Variants in CNTN5 observed in about 807,000 individuals in gnomAD.
CNTN5 encodes contactin 5.
A neutral mutation model predicts 129.1 loss-of-function variants in CNTN5; 77 were observed. The ratio of observed to expected loss-of-function variants is 0.60; its 90% CI spans 0.50 to 0.72. The LOEUF (loss-of-function observed/expected upper bound fraction) is 0.72. Among genes scored for constraint, CNTN5 ranks in the 30% least tolerant of loss-of-function variants. The pLI, the probability that CNTN5 is intolerant of heterozygous loss-of-function variation, is 0.00. For synonymous variants in CNTN5, 509 were observed against 465.6 expected (o/e 1.09, Z -1.20); for missense variants, 1,478 against 1,328.8 (o/e 1.11, Z -1.75).
chr11:99,837,319 A>T (rs1591284850), intron 4 of CNTN5, among the ~76,000 whole-genome samples: 1 of 152,168 alleles, frequency 6.6e-6, no homozygotes, highest in Admixed American at 6.6e-5. Flanking sequence ...ATAACAAATT[A>T]CTTCTTAACA....
intron 1 of CNTN5, among the ~76,000 whole-genome samples, chr11:99,291,601 TG>T: frequency 6.6e-6 from 1 of 152,098 alleles, no homozygotes; most frequent in Non-Finnish European, 1.5e-5. Context: ...AAAATAAAAG[TG>T]TACGATTATA....
intron 1 of CNTN5, among the ~76,000 whole-genome samples, chr11:99,051,859 A>C (rs920552090): frequency 1.3e-5 from 2 of 151,936 alleles, no homozygotes; most frequent in Non-Finnish European, 2.9e-5. Flanking sequence ...GTGGACAGGC[A>C]AGCCATGATA....
At chr11:99,222,111 A>G (rs980799517) in intron 1 of CNTN5, among the ~76,000 whole-genome samples, 3 of 151,986 alleles carry the variant, frequency 2.0e-5, no homozygotes, top group Admixed American at 1.3e-4. Flanking sequence ...CTAAAGCAAC[A>G]AAAAATACCT....
chr11:99,646,109 G>C (rs889533623), intron 3 of CNTN5, among the ~76,000 whole-genome samples: 5 of 152,094 alleles, frequency 3.3e-5, no homozygotes, highest in Non-Finnish European at 7.4e-5. Flanking sequence ...TTTGATCTGG[G>C]CATACTTTGC....
chr11:100,218,325 G>T (rs1188015948), intron 15 of CNTN5, among the ~76,000 whole-genome samples: 7 of 152,124 alleles, frequency 4.6e-5, no homozygotes, highest in Non-Finnish European at 8.8e-5. Context: ...AGTCAATAAA[G>T]CATAAAAGAG....
intron 3 of CNTN5, among the ~76,000 whole-genome samples, chr11:99,660,687 G>A (rs542890732): frequency 4.6e-4 from 70 of 152,174 alleles, no homozygotes; most frequent in Non-Finnish European, 6.2e-4. Flanking sequence ...TGGTTCTTAC[G>A]CTAGAGGAGC....
chr11:99,552,663 G>A (rs1184074516), intron 2 of CNTN5, among the ~76,000 whole-genome samples: 2 of 152,126 alleles, frequency 1.3e-5, no homozygotes, highest in African/African-American at 4.8e-5. Context: ...TTGAGGACTA[G>A]CAAGAAAGTC....
At chr11:99,691,642 A>G (rs755598224) in intron 3 of CNTN5, among the ~76,000 whole-genome samples, 1 of 151,998 alleles carries the variant, frequency 6.6e-6, no homozygotes, top group Non-Finnish European at 1.5e-5. Flanking sequence ...GTTCTTTTGC[A>G]TTTTCTGAGG....
At chr11:99,954,033 G>T (rs1443031396) in intron 7 of CNTN5, among the ~76,000 whole-genome samples, 2 of 151,948 alleles carry the variant, frequency 1.3e-5, no homozygotes, top group Non-Finnish European at 2.9e-5. Context: ...GTAAGCAAGG[G>T]GTCCAGGTTC....
intron 3 of CNTN5, among the ~76,000 whole-genome samples, chr11:99,817,065 A>G (rs186238452): frequency 6.6e-6 from 1 of 152,238 alleles, no homozygotes; most frequent in Non-Finnish European, 1.5e-5. Flanking sequence ...TAGGTCCTTG[A>G]ATTTACTTTT....
At chr11:99,621,411 AAGG>A (rs1950946080) in intron 3 of CNTN5, among the ~76,000 whole-genome samples, 1 of 151,498 alleles carries the variant, frequency 6.6e-6, no homozygotes, top group African/African-American at 2.5e-5. Context: ...TATATCAAAA[AAGG>A]ATATTTTTTC....
intron 1 of CNTN5, among the ~76,000 whole-genome samples, chr11:99,263,402 A>G (rs1862735716): frequency 6.6e-6 from 1 of 152,166 alleles, no homozygotes; most frequent in Non-Finnish European, 1.5e-5. Context: ...AGAATCTGAC[A>G]CTAATATGCC....
chr11:99,758,081 T>A (rs1256904593), intron 3 of CNTN5, among the ~76,000 whole-genome samples: 1 of 152,200 alleles, frequency 6.6e-6, no homozygotes, highest in Non-Finnish European at 1.5e-5. Flanking sequence ...GTTGCTTTGA[T>A]GTTAAGGTAT....
chr11:99,384,928 A>T (rs540830004), intron 2 of CNTN5, among the ~76,000 whole-genome samples: 1 of 152,296 alleles, frequency 6.6e-6, no homozygotes, highest in South Asian at 2.1e-4. Flanking sequence ...TATATAAATT[A>T]TTATTAATAT....
chr11:100,237,598 A>G (rs1359375902), intron 16 of CNTN5, among the ~76,000 whole-genome samples: 1 of 152,210 alleles, frequency 6.6e-6, no homozygotes, highest in African/African-American at 2.4e-5. Flanking sequence ...TTGGAATTAC[A>G]AAGACGATTA....
At position 99,575,779 on chromosome 11, in the gene CNTN5, A is replaced by T. The variant is rs1382912055; in HGVS notation, c.55+19510A>T. 2.6e-5 allele frequency among the ~76,000 whole-genome samples: 4 copies of T among 152,174 alleles called. No homozygotes were observed. In the South Asian group the frequency reaches 8.3e-4, roughly 32 times the overall value. ...TGGATTCTAGCCAATGCCACCAGAC[A>T]GGAGGAGGTGACTTCAGAAGAAAGA... On this transcript the variant is annotated intron_variant, in intron 3 of 24. Transcript: ENST00000524871.
At chr11:99,094,797 G>A (rs1866400836) in intron 1 of CNTN5, among the ~76,000 whole-genome samples, 1 of 151,860 alleles carries the variant, frequency 6.6e-6, no homozygotes, top group African/African-American at 2.4e-5. Flanking sequence ...CCCAGTATTA[G>A]CACTTAAAGT....
chr11:99,108,274 G>A (rs1041434190), intron 1 of CNTN5, among the ~76,000 whole-genome samples: 1 of 152,092 alleles, frequency 6.6e-6, no homozygotes, highest in Non-Finnish European at 1.5e-5. Flanking sequence ...GAAATTATAA[G>A]TTGATTTTGA....
At chr11:99,498,946 A>G (rs1411205608) in intron 2 of CNTN5, among the ~76,000 whole-genome samples, 1 of 152,178 alleles carries the variant, frequency 6.6e-6, no homozygotes, top group African/African-American at 2.4e-5. Flanking sequence ...TTTGTTTGGT[A>G]AAGCAAAATT....
Sources: gnomAD v4.1 joint callset for allele counts (sites outside exome capture counted in the v4.1 genomes callset) on GRCh38, gnomAD v4.1.1 for gene constraint, MANE v1.5 for transcripts, NCBI Gene and HGNC (gene_info 2026-07-23, HGNC 2026-07-21) for gene names.